The following DEPDC7 variants were observed in gnomAD, a reference collection of about 807,000 sequenced individuals.
DEPDC7 encodes the protein DEP domain containing 7, also known as DEP domain-containing protein 7.
DEPDC7 carries 41 observed loss-of-function variants against 56.6 expected under a neutral mutation model. The ratio of observed to expected loss-of-function variants is 0.72; its 90% CI spans 0.56 to 0.94. DEPDC7 has a LOEUF of 0.94. DEPDC7 is among the 40% of genes least tolerant of loss of function. The probability of loss-of-function intolerance (pLI) is 0.00; values close to 1 mark genes in which losing one functional copy is unlikely to be tolerated. For missense variants in DEPDC7, 522 were observed against 596.3 expected, an observed-to-expected ratio of 0.88 and a Z score of 1.30; for synonymous variants, 185 against 208.8, an observed-to-expected ratio of 0.89 and a Z score of 0.98.
intron 1 of DEPDC7, among the ~76,000 whole-genome samples, chr11:33,017,899 C>A (rs1853480908): frequency 6.6e-6 from 1 of 152,192 alleles, no homozygotes; most frequent in African/African-American, 2.4e-5. Context: ...GTCTGTTATC[C>A]TGTTATCCCT....
chr11:33,025,766 C>T lies in DEPDC7; in HGVS notation c.181C>T (p.Arg61Ter), dbSNP rs1326267387. ...EVKKRRHRLK[R>*]HNDCFVGSEA... The stretch of plus-strand genomic sequence containing the variant: ...GAAAAAACGAAGGCACCGTTTAAAA[C>T]GACATAATGACTGCTTTGTTGGTTC... The change falls in exon 2 of 9, where the codon CGA (arginine) becomes TGA (stop). Residue 61 changes from arginine (R) to a stop codon, truncating the protein, a stop_gained. Transcript: ENST00000241051. LOFTEE classifies it high-confidence loss of function. 8.7e-6 allele frequency: 14 copies of T among 1,614,056 alleles called. No individual in the cohort carries two copies. The highest frequency in any genetic ancestry group is 1.6e-4 in the Middle Eastern group (1 of 6,084).
chr11:33,018,117 A>T (rs990353485), intron 1 of DEPDC7, among the ~76,000 whole-genome samples: 8 of 152,242 alleles, frequency 5.3e-5, no homozygotes, highest in Non-Finnish European at 5.9e-5. Context: ...AGGCAATCGC[A>T]GTCTTCAGCA....
At position 33,032,891 on chromosome 11, in the gene DEPDC7, T is replaced by G. The variant is rs1281339197; in HGVS notation, c.1266T>G (p.Ile422Met). Residue 422 changes from isoleucine to methionine, a missense_variant and splice_region_variant, in exon 8 of 9, where the codon ATT becomes ATG. Coordinates refer to ENST00000241051, the MANE Select transcript of DEPDC7 (RefSeq NM_001077242.2). ...CCATGTCCCTTCTTTTTCTTAAGAT[T>G]CCTGGAACTCTACATAAAATTGTAA... ...LMDHQKDVFK[I>M]PGTLHKIVSV... 1.1e-5 allele frequency: 17 copies of G among 1,601,076 alleles called. No homozygotes were observed. The East Asian group carries it at 3.8e-4, about 36-fold the overall frequency.
chr11:33,025,881 G>A lies in DEPDC7; in HGVS notation c.296G>A (p.Cys99Tyr), dbSNP rs1352468720. The A allele has an allele frequency of 6.2e-7, 1 of 1,614,202 alleles. No individual in the cohort carries two copies. The highest frequency in any genetic ancestry group is 1.7e-5 in the Admixed American group (1 of 60,028). The change falls in exon 2 of 9, where the codon TGT becomes TAT. Residue 99 changes from cysteine (C) to tyrosine (Y), a missense_variant. Coordinates refer to ENST00000241051, the MANE Select transcript of DEPDC7 (RefSeq NM_001077242.2). The part of the protein sequence containing the change: ...DIPRAKVVRV[C>Y]QALMDYKVFE... ...CCTCGAGCCAAAGTGGTGAGAGTGT[G>A]TCAAGCGCTTATGGACTACAAAGTA... is the stretch of plus-strand genomic sequence containing the variant.
chr11:33,026,773 TTTTTCTTTTC>T (rs111687548), intron 2 of DEPDC7: 60,880 of 146,446 alleles, frequency 0.42, 12,469 homozygotes, highest in African/African-American at 0.46. Flanking sequence ...TGGCTAATTT[TTTTTCTTTTC>T]TTTTCTTTTC....
At chr11:33,026,176 A>T (rs776339757) in intron 2 of DEPDC7, 127 bp downstream of exon 2, 117 of 1,024,734 alleles carry the variant, frequency 1.1e-4, no homozygotes, top group Non-Finnish European at 1.6e-4. Context: ...GTCTGTGGGT[A>T]AATTTGATAA....
chr11:33,017,244 G>A (rs1853473949), intron 1 of DEPDC7, among the ~76,000 whole-genome samples: 1 of 152,136 alleles, frequency 6.6e-6, no homozygotes, highest in Non-Finnish European at 1.5e-5. Context: ...CAAATGCTAA[G>A]ACATTTGGGA....
intron 1 of DEPDC7, among the ~76,000 whole-genome samples, chr11:33,023,471 A>G (rs1853543631): frequency 1.3e-5 from 2 of 152,176 alleles, no homozygotes; most frequent in Admixed American, 1.3e-4. Context: ...ATTGCAACGT[A>G]AGAGATGAAT....
chr11:33,016,529 TC>T (rs768712378), intron 1 of DEPDC7: 38 of 1,614,084 alleles, frequency 2.4e-5, no homozygotes, highest in Non-Finnish European at 3.2e-5. Context: ...CCCAGACTCT[TC>T]CTGGGAGGGA....
At position 33,016,592 on chromosome 11, in the gene DEPDC7, A is replaced by T. The variant is rs374161301; in HGVS notation, c.73+564A>T. 3.1e-5 allele frequency: 50 copies of T among 1,613,770 alleles called. No individual in the cohort carries two copies. The African/African-American group carries it at 5.9e-4, about 19-fold the overall frequency. ...CAGGAATTTGGCATAAAAGGTATTTATTAACACTTTATGTATAAGCAGTAT... is the reference window on the plus strand; with the variant it reads ...CAGGAATTTGGCATAAAAGGTATTTTTTAACACTTTATGTATAAGCAGTAT... On this transcript the variant is annotated intron_variant, in intron 1 of 8. Coordinates refer to ENST00000241051, the MANE Select transcript of DEPDC7 (RefSeq NM_001077242.2).
intron 1 of DEPDC7, among the ~76,000 whole-genome samples, chr11:33,019,430 T>C (rs1352318412): frequency 6.6e-6 from 1 of 151,826 alleles, no homozygotes; most frequent in Non-Finnish European, 1.5e-5. Flanking sequence ...CTTTGGGAGG[T>C]TGAGGCAGGT....
intron 4 of DEPDC7, among the ~76,000 whole-genome samples, chr11:33,029,226 G>C (rs112983374): frequency 6.6e-6 from 1 of 151,382 alleles, no homozygotes; most frequent in African/African-American, 2.4e-5. Context: ...GGCCGGGTGC[G>C]GTGGCCCATG....
chr11:33,027,778 CT>C lies in DEPDC7; in HGVS notation c.558del (p.His187MetfsTer2), dbSNP rs779093460. On this transcript the variant is annotated frameshift_variant, in exon 3 of 9. Transcript: ENST00000241051. LOFTEE classifies it high-confidence loss of function. ...ENLSLKPANS[P>X]HVNISATLSP... Reference sequence around the variant, plus strand: ...CTGAGTTTAAAGCCTGCCAACTCCCCTCATGTAAATATCTCTGCAACCTTGT... The same window carrying C: ...CTGAGTTTAAAGCCTGCCAACTCCCCCATGTAAATATCTCTGCAACCTTGT... 6.3e-7 allele frequency: 1 copy of C among 1,576,464 alleles called. No homozygotes were observed. Among genetic ancestry groups the C allele is most frequent in the South Asian group, 1.2e-5 (1 of 84,226 alleles).
Position 33,029,982 on chromosome 11 carries a change from G to A in DEPDC7, c.782+1190G>A, listed in dbSNP as rs772823364. On this transcript the variant is annotated intron_variant, in intron 4 of 8. Transcript: ENST00000241051. ...TAATTACTAAATTTTTTTTTTTTGA[G>A]ACAGAGTCTCTCTGTCGCCCAGGCT... Among the ~76,000 whole-genome samples the A allele has an allele frequency of 1.8e-4, 27 of 151,138 alleles. 1 individual carries two copies. The highest frequency in any genetic ancestry group is 6.8e-3 in the Middle Eastern group (2 of 294).
In DEPDC7 at chr11:33,032,942, C is replaced by T. The variant is rs370490867; in HGVS notation, c.1317C>T (p.Asn439=). ...GTGTTAAGCTTATGGCCATACAGAA[C>T]GGAAGAGATCCAAATAGAGATGCAG... The part of the protein sequence containing the change: ...IVSVKLMAIQ[N]GRDPNRDAGY... The change falls in exon 8 of 9, where the codon AAC becomes AAT. Residue 439 remains asparagine (N), a synonymous_variant. Coordinates refer to ENST00000241051, the MANE Select transcript of DEPDC7 (RefSeq NM_001077242.2). 4.3e-5 allele frequency: 69 copies of T among 1,597,810 alleles called. No homozygotes were observed. The Middle Eastern group carries it at 5.0e-4, about 12-fold the overall frequency.
intron 2 of DEPDC7, 23 bp from the exon 3 acceptor site, chr11:33,027,663 T>G (rs1853592484): frequency 2.7e-6 from 4 of 1,471,970 alleles, no homozygotes; most frequent in Non-Finnish European, 3.6e-6. Flanking sequence ...TAAATGTTCA[T>G]TTCTGAAATA....
At chr11:33,016,198 G>C in intron 1 of DEPDC7, 170 bp downstream of exon 1, 1 of 1,268,570 alleles carries the variant, frequency 7.9e-7, no homozygotes, top group Non-Finnish European at 9.9e-7. Flanking sequence ...CCCGCCGAGC[G>C]GGCGGATCGA....
rs138524582 is a variant in DEPDC7 at position 33,015,890 on chromosome 11, C to G, written c.-66C>G. 3 of 1,472,286 alleles carry G rather than the reference C, an allele frequency of 2.0e-6. No individual in the cohort carries two copies. The highest frequency in any genetic ancestry group is 2.7e-6 in the Non-Finnish European group (3 of 1,091,108). The allele number at this position is 1,472,286 out of a possible 1,614,324, so 91.2% of individuals were successfully genotyped here. On this transcript the variant is annotated 5_prime_UTR_variant, in exon 1 of 9. Coordinates refer to ENST00000241051, the MANE Select transcript of DEPDC7 (RefSeq NM_001077242.2). ...AGCCACGCCCCGCACAGTTAACAGA[C>G]GGGCGCTCAGGGAGCTAGGGAGCTG...
chr11:33,027,777 C>T lies in DEPDC7; in HGVS notation c.556C>T (p.Pro186Ser). Residue 186 changes from proline (P) to serine (S), a missense_variant, in exon 3 of 9, where the codon CCT becomes TCT. Coordinates refer to ENST00000241051, the MANE Select transcript of DEPDC7 (RefSeq NM_001077242.2). The part of the protein sequence containing the change: ...ENLSLKPANS[P>S]HVNISATLSP... ...TCTGAGTTTAAAGCCTGCCAACTCC[C>T]CTCATGTAAATATCTCTGCAACCTT... 6.3e-7 allele frequency: 1 copy of T among 1,576,200 alleles called. No individual in the cohort carries two copies. The highest frequency in any genetic ancestry group is 1.7e-4 in the Middle Eastern group (1 of 5,978).
Sources: allele counts gnomAD v4.1 joint callset (sites outside exome capture counted in the v4.1 genomes callset), GRCh38; gene constraint gnomAD v4.1.1; transcripts MANE v1.5; gene names NCBI Gene and HGNC (gene_info 2026-07-23, HGNC 2026-07-21).